Variants in KCND2 observed in about 807,000 individuals in gnomAD.
KCND2 encodes potassium voltage-gated channel subfamily D member 2, also known as A-type voltage-gated potassium channel KCND2.
In KCND2, 16 loss-of-function variants were observed where a neutral mutation model predicts 54.4. The ratio of observed to expected loss-of-function variants is 0.29; its 90% confidence interval spans 0.20 to 0.45. The LOEUF (loss-of-function observed/expected upper bound fraction) is 0.45. KCND2 is among the 20% of genes least tolerant of loss of function. KCND2 has a pLI of 1.00. For synonymous variants in KCND2, 317 were observed against 310.7 expected (o/e 1.02, Z -0.21); for missense variants, 486 against 824.2 (o/e 0.59, Z 5.02).
intron 1 of KCND2, among the ~76,000 whole-genome samples, chr7:120,688,901 A>G (rs1304540513): frequency 2.0e-5 from 3 of 152,204 alleles, no homozygotes; most frequent in Admixed American, 2.0e-4. Context: ...AGAGGAAGGG[A>G]AGCCTTACCT....
At chr7:120,557,851 T>C (rs1562872586) in intron 1 of KCND2, among the ~76,000 whole-genome samples, 1 of 152,112 alleles carries the variant, frequency 6.6e-6, no homozygotes, top group Non-Finnish European at 1.5e-5. Flanking sequence ...GTCATCCTAG[T>C]TTGGCTGGCA....
chr7:120,404,754 A>G (rs1173382158), intron 1 of KCND2, among the ~76,000 whole-genome samples: 1 of 145,774 alleles, frequency 6.9e-6, no homozygotes, highest in Non-Finnish European at 1.5e-5. Context: ...CTCTTTGATT[A>G]GCACTGATTT....
At chr7:120,332,011 T>A (rs1800076673) in intron 1 of KCND2, among the ~76,000 whole-genome samples, 1 of 152,110 alleles carries the variant, frequency 6.6e-6, no homozygotes, top group South Asian at 2.1e-4. Context: ...GAGAAGGGGA[T>A]GTTGTAAAAG....
chr7:120,484,293 C>T (rs904867367), intron 1 of KCND2, among the ~76,000 whole-genome samples: 4 of 151,958 alleles, frequency 2.6e-5, no homozygotes, highest in African/African-American at 9.7e-5. Flanking sequence ...ATAGATAGGA[C>T]TACAGGTGCA....
intron 1 of KCND2, among the ~76,000 whole-genome samples, chr7:120,318,045 T>C (rs1052943124): frequency 6.6e-6 from 1 of 152,176 alleles, no homozygotes; most frequent in Admixed American, 6.5e-5. Flanking sequence ...ATGTCAGAGA[T>C]GTCAGAGGGT....
intron 1 of KCND2, among the ~76,000 whole-genome samples, chr7:120,397,991 GTGTGTATATA>G (rs1422127977): frequency 6.6e-4 from 25 of 37,834 alleles, no homozygotes; most frequent in African/African-American, 1.5e-3. Flanking sequence ...GTGTGTGTGT[GTGTGTATATA>G]TATATATATA....
At chr7:120,457,988 T>A (rs931742462) in intron 1 of KCND2, among the ~76,000 whole-genome samples, 1 of 152,144 alleles carries the variant, frequency 6.6e-6, no homozygotes, top group Non-Finnish European at 1.5e-5. Flanking sequence ...AAACACTTCC[T>A]TATTGATATG....
intron 1 of KCND2, among the ~76,000 whole-genome samples, chr7:120,516,860 G>T (rs1288099386): frequency 1.3e-5 from 2 of 152,076 alleles, no homozygotes; most frequent in Non-Finnish European, 2.9e-5. Context: ...AATGTTTTAC[G>T]ATGAAATCTT....
intron 1 of KCND2, among the ~76,000 whole-genome samples, chr7:120,693,349 T>G (rs1792295100): frequency 6.6e-6 from 1 of 152,218 alleles, no homozygotes; most frequent in African/African-American, 2.4e-5. Context: ...ATTCATGCAC[T>G]GCTTTGATTA....
chr7:120,582,785 G>A (rs997639559), intron 1 of KCND2, among the ~76,000 whole-genome samples: 5 of 151,962 alleles, frequency 3.3e-5, no homozygotes, highest in Admixed American at 2.0e-4. Context: ...CCCAATTATG[G>A]CCCAGCAGGT....
At chr7:120,531,425 C>T (rs1474797076) in intron 1 of KCND2, among the ~76,000 whole-genome samples, 1 of 152,088 alleles carries the variant, frequency 6.6e-6, no homozygotes, top group African/African-American at 2.4e-5. Flanking sequence ...GTTCCATGCA[C>T]TTAAAGTCCT....
chr7:120,544,341 T>A lies in KCND2; in HGVS notation c.1116-188562T>A, dbSNP rs370653191. Among the ~76,000 whole-genome samples the A allele has an allele frequency of 3.3e-5, 5 of 152,056 alleles. 1 individual carries two copies. The highest frequency in any genetic ancestry group is 6.6e-5 in the Admixed American group (1 of 15,256). ...ATATTATGTGAGACATAGAATCTTA[T>A]CTTGTACATAGTTTTGAGCAAAGAT... On this transcript the variant is annotated intron_variant, in intron 1 of 5. Coordinates refer to ENST00000331113, the MANE Select transcript of KCND2 (RefSeq NM_012281.3).
chr7:120,374,990 A>G (rs1481420311), intron 1 of KCND2, among the ~76,000 whole-genome samples: 2 of 151,876 alleles, frequency 1.3e-5, no homozygotes, highest in Non-Finnish European at 2.9e-5. Flanking sequence ...TCTGCTTTAC[A>G]GTCTTCTCTC....
chr7:120,509,250 C>T (rs1803076516), intron 1 of KCND2, among the ~76,000 whole-genome samples: 1 of 151,788 alleles, frequency 6.6e-6, no homozygotes, highest in Non-Finnish European at 1.5e-5. Context: ...AGGTAAAAAA[C>T]GTAAACATTT....
intron 1 of KCND2, among the ~76,000 whole-genome samples, chr7:120,574,261 T>G (rs1792399543): frequency 6.6e-6 from 1 of 152,212 alleles, no homozygotes; most frequent in Non-Finnish European, 1.5e-5. Flanking sequence ...GGGTGTATAT[T>G]GACCATGGTA....
intron 1 of KCND2, among the ~76,000 whole-genome samples, chr7:120,513,273 A>G (rs559548799): frequency 6.6e-6 from 1 of 152,148 alleles, no homozygotes; most frequent in South Asian, 2.1e-4. Context: ...TCAGACATGT[A>G]CATTTGGAGG....
intron 1 of KCND2, among the ~76,000 whole-genome samples, chr7:120,617,145 AC>A (rs1793036319): frequency 6.6e-6 from 1 of 152,138 alleles, no homozygotes; most frequent in African/African-American, 2.4e-5. Context: ...TTAGGCTATC[AC>A]CTGGGAACAT....
chr7:120,612,519 A>G lies in KCND2; in HGVS notation c.1116-120384A>G, dbSNP rs150277149. Among the ~76,000 whole-genome samples the G allele has an allele frequency of 4.9e-3, 746 of 152,368 alleles. 8 individuals carry two copies. The highest frequency in any genetic ancestry group is 0.017 in the African/African-American group (706 of 41,592). On this transcript the variant is annotated intron_variant, in intron 1 of 5. Transcript: ENST00000331113. Reference sequence around the variant, plus strand: ...TGTTTTACTGCATTTCACATGAGACATGGATAATTGTTTTACAAACTTTGT... The same window carrying G: ...TGTTTTACTGCATTTCACATGAGACGTGGATAATTGTTTTACAAACTTTGT...
chr7:120,318,748 C>T (rs1001506433), intron 1 of KCND2, among the ~76,000 whole-genome samples: 1 of 151,960 alleles, frequency 6.6e-6, no homozygotes, highest in Non-Finnish European at 1.5e-5. Context: ...ATACTTTTTA[C>T]CAATATAAAC....
Sources: allele counts gnomAD v4.1 joint callset (sites outside exome capture counted in the v4.1 genomes callset), GRCh38; gene constraint gnomAD v4.1.1; transcripts MANE v1.5; gene names NCBI Gene and HGNC (gene_info 2026-07-23, HGNC 2026-07-21).